The following FAM20A variants were observed in gnomAD, a reference collection of about 807,000 sequenced individuals.
FAM20A encodes the protein pseudokinase FAM20A.
A neutral mutation model predicts 52.0 loss-of-function variants in FAM20A; 42 were observed. That is an observed-to-expected ratio of 0.81 (90% CI 0.63 to 1.04). The LOEUF (loss-of-function observed/expected upper bound fraction) is 1.04. Ranked by LOEUF, FAM20A falls within the 50% of genes least tolerant of loss-of-function variation. FAM20A has a pLI of 0.00. For synonymous variants in FAM20A, 304 were observed against 298.9 expected, an observed-to-expected ratio of 1.02 and a Z score of -0.18; for missense variants, 742 against 712.7, an observed-to-expected ratio of 1.04 and a Z score of -0.47.
intron 4 of FAM20A, chr17:68,551,154 A>T: frequency 8.1e-7 from 1 of 1,230,854 alleles, no homozygotes; most frequent in Non-Finnish European, 1.0e-6. Flanking sequence ...AGGAGACCCT[A>T]ACCTGTGGGC....
intron 1 of FAM20A, among the ~76,000 whole-genome samples, chr17:68,583,378 CCCTTCTTTGCT>C (rs2088069569): frequency 6.6e-6 from 1 of 152,028 alleles, no homozygotes; most frequent in Non-Finnish European, 1.5e-5. Flanking sequence ...AGGAGAAAGC[CCCTTCTTTGCT>C]GTTTCTGTCT....
intron 1 of FAM20A, among the ~76,000 whole-genome samples, chr17:68,570,092 C>T (rs2907383): frequency 0.62 from 93,825 of 151,990 alleles, 30,467 homozygotes; most frequent in African/African-American, 0.82. Context: ...ATATATATTT[C>T]TGAGACTGAG....
At chr17:68,543,308 C>T (rs1328679362) in intron 5 of FAM20A, among the ~76,000 whole-genome samples, 1 of 152,126 alleles carries the variant, frequency 6.6e-6, no homozygotes, top group Non-Finnish European at 1.5e-5. Context: ...AACAGTGAGA[C>T]TCCTTGGATA....
chr17:68,600,774 C>T lies in FAM20A; in HGVS notation c.-108G>A. The T allele has an allele frequency of 1.5e-6, 2 of 1,296,896 alleles. No homozygotes were observed. The highest frequency in any genetic ancestry group is 2.1e-6 in the Non-Finnish European group (2 of 965,130). 80.3% of individuals were successfully genotyped at this position (1,296,896 alleles called of 1,614,324 possible). On this transcript the variant is annotated 5_prime_UTR_variant, in exon 1 of 11. Coordinates refer to ENST00000592554, the MANE Select transcript of FAM20A (RefSeq NM_017565.4). This position sits in a 1 kb window ranked among gnomAD's most constrained non-coding sequence, Gnocchi z 6.2. ...GGTGCCTGGAGTCCCGCGGGTGGGC[C>T]GGGGTCAGTGAGACCGGAATGCTCC...
At chr17:68,540,560 AC>A in intron 8 of FAM20A, 1 of 529,706 alleles carries the variant, frequency 1.9e-6, no homozygotes, top group Non-Finnish European at 3.6e-6. Flanking sequence ...GTTTCCCCTC[AC>A]TTGGTGAAGT....
intron 1 of FAM20A, among the ~76,000 whole-genome samples, chr17:68,590,658 T>C (rs1463219024): frequency 6.6e-6 from 1 of 152,230 alleles, no homozygotes; most frequent in Non-Finnish European, 1.5e-5. Flanking sequence ...TCTAAAATTC[T>C]TAAAACCTTA....
intron 3 of FAM20A, among the ~76,000 whole-genome samples, chr17:68,552,313 A>G (rs2086873153): frequency 6.6e-6 from 1 of 152,142 alleles, no homozygotes; most frequent in Non-Finnish European, 1.5e-5. Flanking sequence ...TTTACTGAAA[A>G]CCCTGAAGAA....
chr17:68,578,644 G>C (rs1319424240), intron 1 of FAM20A, among the ~76,000 whole-genome samples: 2 of 151,894 alleles, frequency 1.3e-5, no homozygotes, highest in African/African-American at 4.8e-5. Flanking sequence ...CCAGGACCAA[G>C]GGGAAGTTTA....
intron 1 of FAM20A, among the ~76,000 whole-genome samples, chr17:68,596,466 G>C (rs1040685587): frequency 1.3e-5 from 2 of 152,234 alleles, no homozygotes. Context: ...TGATCAGTTT[G>C]ACACGTCAAA....
At chr17:68,553,909 C>T (rs1221035194) in intron 3 of FAM20A, among the ~76,000 whole-genome samples, 7 of 133,288 alleles carry the variant, frequency 5.3e-5, no homozygotes. Flanking sequence ...TGCATATATA[C>T]ATATATACAC....
In FAM20A at chr17:68,542,028, G is replaced by C. The variant is rs1258831674; in HGVS notation, c.1066C>G (p.Pro356Ala). 1.2e-6 allele frequency: 2 copies of C among 1,614,068 alleles called. No homozygotes were observed. The highest frequency in any genetic ancestry group is 1.7e-6 in the Non-Finnish European group (2 of 1,179,988). The change falls in exon 7 of 11, where the codon CCC becomes GCC. Residue 356 changes from proline (P) to alanine (A), a missense_variant. Coordinates refer to ENST00000592554, the MANE Select transcript of FAM20A (RefSeq NM_017565.4). ...GTGTAGGAGCGGATCCAGGGGTTGG[G>C]CACAGACAGCCTGGGGGCCAGGTTG... Reference protein sequence around the residue: ...SLNLAPRLSVPNPWIRSYTLA... With the variant: ...SLNLAPRLSVANPWIRSYTLA...
chr17:68,575,840 C>CACACACACACACACA (rs1555830551), intron 1 of FAM20A, among the ~76,000 whole-genome samples: 1 of 56,710 alleles, frequency 1.8e-5, no homozygotes, highest in Non-Finnish European at 3.8e-5. Context: ...ACATAATCAG[C>CACACACACACACACA]CATTGGCAGT....
rs2086415624 is a variant in FAM20A at position 68,543,685 on chromosome 17, G to C, written c.756C>G (p.Phe252Leu). 3 of 1,614,046 alleles carry C rather than the reference G, an allele frequency of 1.9e-6. No individual in the cohort carries two copies. Among genetic ancestry groups the C allele is most frequent in the Admixed American group, 1.7e-5 (1 of 60,024 alleles). Residue 252 changes from phenylalanine to leucine, a missense_variant, in exon 5 of 11, where the codon TTC (phenylalanine) becomes TTG (leucine). Transcript: ENST00000592554. ...TGTGTCTCTGAAAGTCAATGAAGTA[G>C]AAGAAGTCCACTGGTGTCTCCTCAT... ...QRDEETPVDF[F>L]YFIDFQRHNA... is the part of the protein sequence containing the mutation.
intron 1 of FAM20A, among the ~76,000 whole-genome samples, chr17:68,583,942 A>G (rs763218325): frequency 4.6e-5 from 7 of 151,764 alleles, no homozygotes; most frequent in Admixed American, 4.6e-4. Flanking sequence ...TCATTTGGGG[A>G]GCCATTATTC....
At chr17:68,544,885 A>G (rs1034005840) in intron 4 of FAM20A, among the ~76,000 whole-genome samples, 1 of 152,156 alleles carries the variant, frequency 6.6e-6, no homozygotes, top group African/African-American at 2.4e-5. Flanking sequence ...TTTTTGTATG[A>G]TGTAAGATAA....
chr17:68,594,409 A>C (rs2088396924), intron 1 of FAM20A, among the ~76,000 whole-genome samples: 1 of 152,128 alleles, frequency 6.6e-6, no homozygotes, highest in Admixed American at 6.5e-5. Flanking sequence ...AAAAAAAAAA[A>C]AACAAAACAG....
chr17:68,551,053 G>GC (rs2086811907), intron 4 of FAM20A: 1 of 1,232,910 alleles, frequency 8.1e-7, no homozygotes, highest in Admixed American at 4.2e-5. Context: ...GGGTAACGTG[G>GC]CCCCTCTTGG....
At chr17:68,567,604 T>C (rs528331241) in intron 1 of FAM20A, among the ~76,000 whole-genome samples, 2 of 152,104 alleles carry the variant, frequency 1.3e-5, no homozygotes, top group African/African-American at 4.8e-5. Flanking sequence ...AAAGAAGTCC[T>C]AGTCTTGGTC....
intron 4 of FAM20A, among the ~76,000 whole-genome samples, chr17:68,549,795 C>T (rs573522510): frequency 1.2e-4 from 18 of 150,996 alleles, no homozygotes; most frequent in Non-Finnish European, 2.4e-4. Flanking sequence ...CAAAGAGTCA[C>T]ATGTCTACTT....
Sources: allele counts gnomAD v4.1 joint callset (sites outside exome capture counted in the v4.1 genomes callset), GRCh38; gene constraint gnomAD v4.1.1; non-coding constraint Gnocchi (gnomAD v3.1); transcripts MANE v1.5; gene names NCBI Gene and HGNC (gene_info 2026-07-23, HGNC 2026-07-21).